CBFA2T3: variants seen among roughly 807,000 people sequenced by gnomAD.
CBFA2T3 encodes the protein transcriptional corepressor CBFA2T3.
In CBFA2T3, 31 loss-of-function variants were observed where a neutral mutation model predicts 58.6. The observed-to-expected ratio is 0.53, with a 90% CI of 0.40 to 0.71. The LOEUF (loss-of-function observed/expected upper bound fraction) is 0.71. CBFA2T3 is among the 30% of genes least tolerant of loss of function. The pLI, the probability that CBFA2T3 is intolerant of heterozygous loss-of-function variation, is 0.00. For missense variants in CBFA2T3, 1,076 were observed against 963.1 expected (o/e 1.12, Z -1.55); for synonymous variants, 531 against 421.9 (o/e 1.26, Z -3.17).
At chr16:88,962,208 GCAC>G in intron 1 of CBFA2T3, among the ~76,000 whole-genome samples, 3 of 152,194 alleles carry the variant, frequency 2.0e-5, no homozygotes, top group African/African-American at 7.2e-5. Flanking sequence ...CCGACCCTCA[GCAC>G]TGGACATTCC....
Position 88,885,327 on chromosome 16 carries a change from G to A in CBFA2T3, c.894-58C>T, listed in dbSNP as rs1336055780. 7 of 1,247,392 alleles carry A rather than the reference G, an allele frequency of 5.6e-6. No homozygotes were observed. Among genetic ancestry groups the A allele is most frequent in the Middle Eastern group, 2.0e-4 (1 of 5,050 alleles). The allele number at this position is 1,247,392 out of a possible 1,614,324, so 77.3% of individuals were successfully genotyped here. A position where few individuals can be genotyped will look rare whatever the true frequency, so the allele number is the denominator to read the frequency against. ...GGACATAGGATGAACCGGGGACAGAGGTGCAGGTGGGGTGAGAGGCAGACA... is the reference window on the plus strand; with the variant it reads ...GGACATAGGATGAACCGGGGACAGAAGTGCAGGTGGGGTGAGAGGCAGACA... On this transcript the variant is annotated intron_variant, in intron 6 of 11. Coordinates refer to ENST00000268679, the MANE Select transcript of CBFA2T3 (RefSeq NM_005187.6). The surrounding 1 kb of genome is among the most constrained non-coding windows in gnomAD (Gnocchi z 5.3).
chr16:88,892,205 T>C (rs1969663618), intron 4 of CBFA2T3, 39 bp downstream of exon 4: 1 of 1,588,492 alleles, frequency 6.3e-7, no homozygotes, highest in Non-Finnish European at 8.6e-7. Context: ...GGAGGGAATA[T>C]GCATGTCCCA....
rs370798291 is a variant in CBFA2T3 at position 88,881,386 on chromosome 16, C to T, written c.1307G>A (p.Arg436Gln). 22 of 1,598,612 alleles carry T rather than the reference C, an allele frequency of 1.4e-5. No homozygotes were observed. Among genetic ancestry groups the T allele is most frequent in the Middle Eastern group, 1.7e-4 (1 of 6,060 alleles). The change falls in exon 9 of 12, where the codon CGG (arginine) becomes CAG (glutamine). Residue 436 changes from arginine (R) to glutamine (Q), a missense_variant. Coordinates refer to ENST00000268679, the MANE Select transcript of CBFA2T3 (RefSeq NM_005187.6). ...ADREELNHWA[R>Q]RYSDAEDTKK... ...TGTGTCCTCGGCGTCGCTGTAGCGC[C>T]GCGCCCAGTGGTTGAGCTCCTCGCG... is the stretch of plus-strand genomic sequence containing the variant.
chr16:88,882,950 G>A (rs1969189017), intron 7 of CBFA2T3, among the ~76,000 whole-genome samples, 189 bp from the exon 8 acceptor site: 1 of 152,246 alleles, frequency 6.6e-6, no homozygotes. Flanking sequence ...GCCGCCTGGG[G>A]CTCTGGGCCG....
chr16:88,917,065 C>G (rs1046096566), intron 1 of CBFA2T3, among the ~76,000 whole-genome samples: 3 of 143,718 alleles, frequency 2.1e-5, no homozygotes, highest in African/African-American at 8.0e-5. Context: ...CACCGTGACT[C>G]TGTCTCAAAA....
intron 1 of CBFA2T3, among the ~76,000 whole-genome samples, chr16:88,963,471 C>T (rs79147737): frequency 1.6e-4 from 25 of 152,216 alleles, no homozygotes; most frequent in African/African-American, 4.6e-4. Flanking sequence ...CTGCAACCAG[C>T]GCCTCCACCT....
In CBFA2T3 at chr16:88,905,143, G is replaced by C. The variant is rs540583507; in HGVS notation, c.152-3487C>G. On this transcript the variant is annotated intron_variant, in intron 1 of 11. Transcript: ENST00000268679. ...ACCTGGGAAGGAGGGGGGTGGGGGA[G>C]TGGGCAGCGGGGAGTCTGGAGCTCT... Among the ~76,000 whole-genome samples, 554 of 152,144 alleles carry C rather than the reference G, an allele frequency of 3.6e-3. 1 individual carries two copies. Among genetic ancestry groups the C allele is most frequent in the African/African-American group, 0.013 (531 of 41,492 alleles).
intron 1 of CBFA2T3, among the ~76,000 whole-genome samples, chr16:88,918,346 C>T (rs977910362): frequency 6.6e-6 from 1 of 152,236 alleles, no homozygotes; most frequent in Non-Finnish European, 1.5e-5. Context: ...GGGCCCTGTC[C>T]TCTTGCCCTG....
intron 3 of CBFA2T3, among the ~76,000 whole-genome samples, chr16:88,893,695 C>T (rs1969745349): frequency 6.6e-6 from 1 of 152,244 alleles, no homozygotes; most frequent in Non-Finnish European, 1.5e-5. Flanking sequence ...GACTGCCTGG[C>T]TGGCCCTGCT....
At chr16:88,919,361 G>A (rs939894504) in intron 1 of CBFA2T3, among the ~76,000 whole-genome samples, 3 of 152,190 alleles carry the variant, frequency 2.0e-5, no homozygotes, top group African/African-American at 2.4e-5. Context: ...CAAAACTGCT[G>A]GCGAGTGTAC....
In CBFA2T3 at chr16:88,877,100, G is replaced by C; in HGVS notation, c.1838C>G (p.Ala613Gly). The C allele has an allele frequency of 6.5e-7, 1 of 1,544,354 alleles. No individual in the cohort carries two copies. Among genetic ancestry groups the C allele is most frequent in the Non-Finnish European group, 8.7e-7 (1 of 1,144,456 alleles). ...CAGGGAGGGGCCCAGGCTGTGGGCG[G>C]CTTCGGGCGGTCCAGGCACCGGGTC... ...VADPVPGPPE[A>G]AHSLGPSLPV... is the part of the protein sequence containing the mutation. Residue 613 changes from alanine to glycine, a missense_variant, in exon 12 of 12, where the codon GCC becomes GGC. By Grantham distance (60) the Ala-to-Gly change is moderately conservative. Transcript: ENST00000268679.
intron 1 of CBFA2T3, among the ~76,000 whole-genome samples, chr16:88,975,635 CAGT>C (rs1026439665): frequency 2.6e-5 from 4 of 152,400 alleles, no homozygotes; most frequent in Admixed American, 2.0e-4. Flanking sequence ...GAGAAACGAA[CAGT>C]AGCACTGGCT....
chr16:88,935,891 G>A (rs181714381), intron 1 of CBFA2T3, among the ~76,000 whole-genome samples: 1 of 152,212 alleles, frequency 6.6e-6, no homozygotes, highest in East Asian at 1.9e-4. Context: ...AGACCCGAGG[G>A]ACAGATGGGA....
chr16:88,976,754 G>T lies in CBFA2T3; in HGVS notation c.54C>A (p.Thr18=). 4 of 1,557,030 alleles carry T rather than the reference G, an allele frequency of 2.6e-6. No homozygotes were observed. In the East Asian group the frequency reaches 7.2e-5, roughly 28 times the overall value. The part of the protein sequence containing the change: ...DRAASSASGS[T]CGSMSQTHPV... ...GGTGCGTCTGGGACATGGAGCCACA[G>T]GTGGATCCCGAGGCTGAACTGGCTG... The change falls in exon 1 of 12, where the codon ACC becomes ACA. Residue 18 remains threonine, a synonymous_variant. Transcript: ENST00000268679.
intron 1 of CBFA2T3, among the ~76,000 whole-genome samples, chr16:88,910,646 C>T (rs942999985): frequency 6.6e-5 from 10 of 152,206 alleles, no homozygotes; most frequent in Non-Finnish European, 1.0e-4. Context: ...GCCCTCGCAG[C>T]GGGGTCTCTG....
intron 1 of CBFA2T3, among the ~76,000 whole-genome samples, chr16:88,903,633 G>A (rs914304777): frequency 2.8e-5 from 4 of 143,948 alleles, no homozygotes; most frequent in South Asian, 2.3e-4. Context: ...GTGGCAGGGT[G>A]TTCCTGTGGT....
intron 5 of CBFA2T3, 165 bp from the exon 6 acceptor site, chr16:88,886,307 T>G: frequency 8.4e-5 from 27 of 321,886 alleles, no homozygotes; most frequent in Non-Finnish European, 9.6e-5. Context: ...TTCCTAGCAG[T>G]GCCATGGGAG....
chr16:88,932,372 C>A (rs186146725), intron 1 of CBFA2T3, among the ~76,000 whole-genome samples: 2 of 152,126 alleles, frequency 1.3e-5, no homozygotes, highest in African/African-American at 4.8e-5. Context: ...CAGCGGCTCA[C>A]GCCTACAATC....
chr16:88,907,181 A>C (rs1970367288), intron 1 of CBFA2T3, among the ~76,000 whole-genome samples: 1 of 152,172 alleles, frequency 6.6e-6, no homozygotes, highest in Non-Finnish European at 1.5e-5. Flanking sequence ...ATTTTCAAAC[A>C]GCTCCCGAGG....
Sources: gnomAD v4.1 joint callset for allele counts (sites outside exome capture counted in the v4.1 genomes callset) on GRCh38, gnomAD v4.1.1 for gene constraint, Gnocchi (gnomAD v3.1) non-coding constraint, MANE v1.5 for transcripts, NCBI Gene and HGNC (gene_info 2026-07-23, HGNC 2026-07-21) for gene names.